Variants in IL31RA observed in about 807,000 individuals in gnomAD.
The protein encoded by IL31RA is interleukin-31 receptor subunit alpha.
Under a neutral mutation model 83.7 loss-of-function variants are expected in IL31RA, and 66 were observed. That is an observed-to-expected ratio of 0.79 (90% CI 0.65 to 0.97). The LOEUF (loss-of-function observed/expected upper bound fraction) is 0.97. Among genes scored for constraint, IL31RA ranks in the 50% least tolerant of loss-of-function variants. IL31RA has a pLI of 0.00. For synonymous variants in IL31RA, 325 were observed against 329.0 expected (o/e 0.99, Z 0.13); for missense variants, 798 against 919.4 (o/e 0.87, Z 1.71).
intron 4 of IL31RA, among the ~76,000 whole-genome samples, chr5:55,874,469 G>A (rs1006361707): frequency 6.6e-6 from 1 of 152,004 alleles, no homozygotes; most frequent in African/African-American, 2.4e-5. Context: ...TACGGATATT[G>A]TCATCTTCAT....
rs10071396 is a variant in IL31RA, at chr5:55,880,141, G to A, written c.455-2903G>A. On this transcript the variant is annotated intron_variant, in intron 4 of 14. Coordinates refer to ENST00000652347, the MANE Select transcript of IL31RA (RefSeq NM_139017.7). The stretch of plus-strand genomic sequence containing the variant: ...ATTCACCTAAAAAAATACTTATCAA[G>A]TGCTCAATACATATAAATAATTTTA... 2.6e-3 allele frequency among the ~76,000 whole-genome samples: 401 copies of A among 152,296 alleles called. 3 individuals are homozygous for A. The highest frequency in any genetic ancestry group is 9.4e-3 in the African/African-American group (389 of 41,566).
intron 2 of IL31RA, among the ~76,000 whole-genome samples, chr5:55,867,195 G>GTGCATGTC (rs1456813462): frequency 2.3e-5 from 1 of 43,168 alleles, no homozygotes; most frequent in Non-Finnish European, 5.4e-5. Flanking sequence ...GTGTTTGTGT[G>GTGCATGTC]TGTTTGTGTG....
chr5:55,886,268 C>CTTGCTTTTTTT (rs1235138364), intron 5 of IL31RA, among the ~76,000 whole-genome samples: 1 of 71,508 alleles, frequency 1.4e-5, no homozygotes, highest in African/African-American at 7.3e-5. Context: ...TGCTTGCTTG[C>CTTGCTTTTTTT]TTTTTTTTTT....
intron 6 of IL31RA, among the ~76,000 whole-genome samples, chr5:55,892,285 TTCAGGCCTCA>T (rs1748053911): frequency 6.6e-6 from 1 of 152,158 alleles, no homozygotes; most frequent in Non-Finnish European, 1.5e-5. Flanking sequence ...TGGCCATGAT[TTCAGGCCTCA>T]TGATTTCAGG....
intron 8 of IL31RA, among the ~76,000 whole-genome samples, chr5:55,900,681 G>A (rs1412080417): frequency 6.6e-6 from 1 of 152,106 alleles, no homozygotes; most frequent in Non-Finnish European, 1.5e-5. Flanking sequence ...CTGCTCCCAG[G>A]CAAACTCATA....
At chr5:55,856,743 T>C (rs1208341002) in intron 1 of IL31RA, among the ~76,000 whole-genome samples, 1 of 152,182 alleles carries the variant, frequency 6.6e-6, no homozygotes, top group Admixed American at 6.5e-5. Context: ...TCAGAGTCTT[T>C]CGCTCCAGTG....
chr5:55,902,459 C>CAAAAAAAAA (rs59506009), intron 8 of IL31RA: 7 of 100,712 alleles, frequency 7.0e-5, no homozygotes, highest in Middle Eastern at 5.4e-3. Flanking sequence ...CTTGTTTCTA[C>CAAAAAAAAA]AAAAAAAAAA....
At chr5:55,861,829 C>A (rs1322612326) in intron 2 of IL31RA, among the ~76,000 whole-genome samples, 4 of 152,214 alleles carry the variant, frequency 2.6e-5, no homozygotes. Flanking sequence ...CCAATATCCA[C>A]CATTCTTTTC....
intron 3 of IL31RA, among the ~76,000 whole-genome samples, chr5:55,871,170 G>C (rs1430854385): frequency 6.6e-6 from 1 of 152,196 alleles, no homozygotes; most frequent in Admixed American, 6.5e-5. Flanking sequence ...ACAGTTAATA[G>C]GGGCAAAGCC....
rs5868002 is a variant in IL31RA at position 55,879,734 on chromosome 5, C to CT, written c.455-3294dup. Among the ~76,000 whole-genome samples the CT allele has an allele frequency of 4.6e-3, 654 of 142,740 alleles. 1 individual carries two copies. Among genetic ancestry groups the CT allele is most frequent in the African/African-American group, 0.011 (431 of 39,370 alleles). The allele number at this position is 142,740 out of a possible 152,430, so 93.6% of individuals were successfully genotyped here. A position where few individuals can be genotyped will look rare whatever the true frequency, so the allele number is the denominator to read the frequency against. On this transcript the variant is annotated intron_variant, in intron 4 of 14. Transcript: ENST00000652347. ...CATGAGCCTCCAAGCCCAGTCCAGTCTTTTTTTTTTTTTTTTCAATGTTTT... is the reference window on the plus strand; with the variant it reads ...CATGAGCCTCCAAGCCCAGTCCAGTCTTTTTTTTTTTTTTTTTCAATGTTTT...
rs918502032 is a variant in IL31RA, at chr5:55,903,361, C to T, written c.1070-2745C>T. 4.6e-5 allele frequency among the ~76,000 whole-genome samples: 7 copies of T among 152,242 alleles called. No individual in the cohort carries two copies. The highest frequency in any genetic ancestry group is 1.7e-4 in the African/African-American group (7 of 41,466). On this transcript the variant is annotated intron_variant, in intron 8 of 14. Transcript: ENST00000652347. The surrounding 1 kb of genome is among the most constrained non-coding windows in gnomAD (Gnocchi z 4.7). ...TCAATGGCTTTCACAGTCAAAGCCC[C>T]TCCCTGCTTCTTCAAGGAAGGATCT... is the stretch of plus-strand genomic sequence containing the variant.
intron 3 of IL31RA, among the ~76,000 whole-genome samples, chr5:55,870,049 T>C (rs941576360): frequency 3.3e-5 from 5 of 151,846 alleles, no homozygotes; most frequent in Non-Finnish European, 5.9e-5. Context: ...AAAACAGGAG[T>C]CAGCAAATTT....
Position 55,919,280 on chromosome 5 carries a change from G to A in IL31RA, c.*2160G>A, listed in dbSNP as rs10060485. On this transcript the variant is annotated 3_prime_UTR_variant, in exon 15 of 15. Transcript: ENST00000652347. ...TGGGTGAGAGGAGAGCCTGGAACAA[G>A]TTCTCCCAAACTTGTCTGTCTCACA... is the stretch of plus-strand genomic sequence containing the variant. 3.0e-3 allele frequency among the ~76,000 whole-genome samples: 457 copies of A among 152,254 alleles called. 5 individuals carry two copies. The highest frequency in any genetic ancestry group is 0.011 in the African/African-American group (443 of 41,554).
rs746982301 is a variant in IL31RA at position 55,872,280 on chromosome 5, G to C, written c.283G>C (p.Glu95Gln). The C allele has an allele frequency of 1.2e-6, 2 of 1,612,874 alleles. No individual in the cohort carries two copies. The highest frequency in any genetic ancestry group is 1.7e-6 in the Non-Finnish European group (2 of 1,179,212). The change falls in exon 4 of 15, where the codon GAA becomes CAA. Residue 95 changes from glutamate to glutamine, a missense_variant. By Grantham distance (29) the Glu-to-Gln change is conservative. Transcript: ENST00000652347. ...YTVKRTYAFGEKHDNCTTNSS... is the reference protein window; with the variant it reads ...YTVKRTYAFGQKHDNCTTNSS... ...CTTTTTCTTTCAAAGCGCTTTTGGA[G>C]AAAAACATGATAATTGTACAACCAA...
At chr5:55,915,127 G>A (rs769422028) in intron 14 of IL31RA, among the ~76,000 whole-genome samples, 199 bp downstream of exon 14, 1 of 152,158 alleles carries the variant, frequency 6.6e-6, no homozygotes, top group Non-Finnish European at 1.5e-5. Flanking sequence ...GCTTTGACAA[G>A]GGGAAAGGGC....
At chr5:55,870,523 A>AT (rs1561545907) in intron 3 of IL31RA, among the ~76,000 whole-genome samples, 1 of 151,970 alleles carries the variant, frequency 6.6e-6, no homozygotes, top group Non-Finnish European at 1.5e-5. Context: ...GTTTACTGCT[A>AT]TTTTTCTGTC....
chr5:55,914,952 G>A (rs776469693), intron 14 of IL31RA, 24 bp downstream of exon 14: 4 of 1,538,432 alleles, frequency 2.6e-6, no homozygotes, highest in Non-Finnish European at 3.6e-6. Context: ...TTTTTATTAA[G>A]GAAATCATTG....
intron 1 of IL31RA, among the ~76,000 whole-genome samples, chr5:55,854,432 C>A (rs892657771): frequency 1.3e-5 from 2 of 152,170 alleles, no homozygotes; most frequent in Admixed American, 6.5e-5. Flanking sequence ...TAACCTAAAA[C>A]ATAATATAGA....
chr5:55,921,331 T>G lies in IL31RA; in HGVS notation c.*4211T>G, dbSNP rs1750080584. ...CATTATGTTCTCCCATATATAAAAATTCATGCATGAGCAAAGCATTTTGAA... is the reference window on the plus strand; with the variant it reads ...CATTATGTTCTCCCATATATAAAAAGTCATGCATGAGCAAAGCATTTTGAA... On this transcript the variant is annotated 3_prime_UTR_variant, in exon 15 of 15. Coordinates refer to ENST00000652347, the MANE Select transcript of IL31RA (RefSeq NM_139017.7). Among the ~76,000 whole-genome samples the G allele has an allele frequency of 6.6e-6, 1 of 152,210 alleles. No individual in the cohort carries two copies. Among genetic ancestry groups the G allele is most frequent in the Non-Finnish European group, 1.5e-5 (1 of 68,040 alleles).
Sources: allele counts gnomAD v4.1 joint callset (sites outside exome capture counted in the v4.1 genomes callset), GRCh38; gene constraint gnomAD v4.1.1; non-coding constraint Gnocchi (gnomAD v3.1); transcripts MANE v1.5; gene names NCBI Gene and HGNC (gene_info 2026-07-23, HGNC 2026-07-21).